The following UBE2W variants were observed in gnomAD, a reference collection of about 807,000 sequenced individuals.
UBE2W encodes the protein ubiquitin-conjugating enzyme E2 W.
In UBE2W, 18 loss-of-function variants were observed where a neutral mutation model predicts 27.2. The observed-to-expected ratio is 0.66, with a 90% CI of 0.46 to 0.98. UBE2W has a LOEUF of 0.98. Ranked by LOEUF, UBE2W falls within the 50% of genes least tolerant of loss-of-function variation. The pLI is 0.00. For synonymous variants in UBE2W, 53 were observed against 57.2 expected, an observed-to-expected ratio of 0.93 and a Z score of 0.33; for missense variants, 90 against 180.2, an observed-to-expected ratio of 0.50 and a Z score of 2.87.
In UBE2W at chr8:73,793,623, T is replaced by C. The variant is rs1808289314; in HGVS notation, c.*479A>G. ...ACAGTTGGGGTGACTTTTAAAGTAA[T>C]GTTGGATCCCTCACTTTATTTATAT... On this transcript the variant is annotated 3_prime_UTR_variant, in exon 6 of 6. Transcript: ENST00000602593. 1.0e-6 allele frequency: 1 copy of C among 986,492 alleles called. No homozygotes were observed. The highest frequency in any genetic ancestry group is 1.2e-6 in the Non-Finnish European group (1 of 830,426). The allele number at this position is 986,492 out of a possible 1,614,324, so 61.1% of individuals were successfully genotyped here.
intron 1 of UBE2W, among the ~76,000 whole-genome samples, chr8:73,833,264 GAA>G (rs1554582734): frequency 6.9e-6 from 1 of 144,100 alleles, no homozygotes; most frequent in Non-Finnish European, 1.5e-5. Context: ...GCTTTCCAGA[GAA>G]ACTCTAAAAG....
At chr8:73,845,095 G>A (rs997249978) in intron 1 of UBE2W, among the ~76,000 whole-genome samples, 11 of 147,562 alleles carry the variant, frequency 7.5e-5, no homozygotes, top group Non-Finnish European at 1.7e-4. Flanking sequence ...TGGGAGGTGG[G>A]GGGCAGCCCC....
intron 1 of UBE2W, among the ~76,000 whole-genome samples, chr8:73,848,623 T>TG (rs1810918214): frequency 6.6e-6 from 1 of 152,026 alleles, no homozygotes; most frequent in South Asian, 2.1e-4. Flanking sequence ...GCCTAGGAAT[T>TG]GGAGGCTGCC....
Position 73,787,132 on chromosome 8 carries a change from A to G in UBE2W, c.*6970T>C. On this transcript the variant is annotated 3_prime_UTR_variant, in exon 6 of 6. Transcript: ENST00000602593. ...CCCACTTATGTATTTTGCATTATGC[A>G]GGCAAACATTAAAAATAAATCTTAC... 4.1e-6 allele frequency: 4 copies of G among 985,460 alleles called. No homozygotes were observed. The highest frequency in any genetic ancestry group is 4.8e-6 in the Non-Finnish European group (4 of 829,940). The allele number at this position is 985,460 out of a possible 1,614,324, so 61.0% of individuals were successfully genotyped here.
chr8:73,877,643 C>T (rs1422587707), intron 1 of UBE2W, among the ~76,000 whole-genome samples: 2 of 152,128 alleles, frequency 1.3e-5, no homozygotes, highest in African/African-American at 4.8e-5. Context: ...AAAAACACTT[C>T]TAAGAAAATG....
chr8:73,863,932 CAAAA>C (rs1811633573), intron 1 of UBE2W, among the ~76,000 whole-genome samples: 1 of 117,154 alleles, frequency 8.5e-6, no homozygotes, highest in African/African-American at 3.7e-5. Flanking sequence ...ACAACAACAA[CAAAA>C]AACAAAAAAC....
chr8:73,809,564 T>G (rs1400733181), intron 4 of UBE2W, among the ~76,000 whole-genome samples: 1 of 152,080 alleles, frequency 6.6e-6, no homozygotes, highest in Non-Finnish European at 1.5e-5. Context: ...TATCCTAAAT[T>G]TATATGTATA....
intron 5 of UBE2W, among the ~76,000 whole-genome samples, chr8:73,800,865 G>C (rs12056802): frequency 0.096 from 14,682 of 152,146 alleles, 1,144 homozygotes; most frequent in East Asian, 0.37. Context: ...AGGCCGAGGG[G>C]GCAGATCACC....
intron 1 of UBE2W, among the ~76,000 whole-genome samples, chr8:73,852,354 A>G (rs1245845299): frequency 6.6e-6 from 1 of 152,186 alleles, no homozygotes; most frequent in Admixed American, 6.5e-5. Flanking sequence ...ATCAAATTTT[A>G]ATTTCTCAAG....
At chr8:73,795,992 G>A (rs1215800373) in intron 5 of UBE2W, 2 of 150,850 alleles carry the variant, frequency 1.3e-5, no homozygotes, top group African/African-American at 4.9e-5. Flanking sequence ...TGAGGCTGAG[G>A]TGGGAGGATC....
chr8:73,832,908 G>C (rs549036469), intron 1 of UBE2W, among the ~76,000 whole-genome samples: 2 of 152,110 alleles, frequency 1.3e-5, no homozygotes, highest in African/African-American at 4.8e-5. Context: ...CCCATAGTTC[G>C]GCTGGGCGTT....
chr8:73,787,430 G>A lies in UBE2W; in HGVS notation c.*6672C>T. The A allele has an allele frequency of 4.1e-6, 4 of 985,398 alleles. No homozygotes were observed. Among genetic ancestry groups the A allele is most frequent in the Non-Finnish European group, 4.8e-6 (4 of 829,920 alleles). The allele number at this position is 985,398 out of a possible 1,614,324, so 61.0% of individuals were successfully genotyped here. A position where few individuals can be genotyped will look rare whatever the true frequency, so the allele number is the denominator to read the frequency against. ...AGTAGAAATTAAGGATTATAATAAA[G>A]GAAAAGGGCATCATCAAAGTACAAA... On this transcript the variant is annotated 3_prime_UTR_variant, in exon 6 of 6. Transcript: ENST00000602593.
At chr8:73,832,152 T>TATATATATATATATATA (rs1563601356) in intron 1 of UBE2W, among the ~76,000 whole-genome samples, 4 of 150,826 alleles carry the variant, frequency 2.7e-5, no homozygotes, top group African/African-American at 9.8e-5. Flanking sequence ...TATATATATA[T>TATATATATATATATATA]TAGCCAGGTG....
intron 3 of UBE2W, among the ~76,000 whole-genome samples, chr8:73,823,798 C>A (rs1263250432): frequency 6.6e-6 from 1 of 152,138 alleles, no homozygotes; most frequent in Non-Finnish European, 1.5e-5. Flanking sequence ...AGTCAGTATC[C>A]ATTTAAATCT....
intron 1 of UBE2W, among the ~76,000 whole-genome samples, chr8:73,847,431 T>G (rs1810858224): frequency 6.6e-6 from 1 of 152,184 alleles, no homozygotes; most frequent in African/African-American, 2.4e-5. Context: ...TAAAACTACT[T>G]GCTTTTTTTT....
chr8:73,825,084 A>C (rs1809781737), intron 3 of UBE2W, 63 bp downstream of exon 3: 5 of 1,022,900 alleles, frequency 4.9e-6, no homozygotes, highest in Non-Finnish European at 7.2e-6. Flanking sequence ...TTACTGAGTC[A>C]AACATCTCTG....
At chr8:73,834,669 G>A in intron 1 of UBE2W, among the ~76,000 whole-genome samples, 1 of 152,162 alleles carries the variant, frequency 6.6e-6, no homozygotes, top group South Asian at 2.1e-4. Context: ...AGCACTTTGG[G>A]AGGTCAAGGA....
At chr8:73,815,326 G>A (rs544292814) in intron 3 of UBE2W, among the ~76,000 whole-genome samples, 8 of 152,224 alleles carry the variant, frequency 5.3e-5, no homozygotes, top group African/African-American at 1.4e-4. Context: ...GTTGAGCTAC[G>A]ATAGCCCATG....
At chr8:73,831,182 C>T in intron 1 of UBE2W, 1 of 452,212 alleles carries the variant, frequency 2.2e-6, no homozygotes, top group South Asian at 2.1e-5. Flanking sequence ...AGAGCACAGC[C>T]AAATGGGTGG....
Sources: gnomAD v4.1 joint callset for allele counts (sites outside exome capture counted in the v4.1 genomes callset) on GRCh38, gnomAD v4.1.1 for gene constraint, MANE v1.5 for transcripts, NCBI Gene and HGNC (gene_info 2026-07-23, HGNC 2026-07-21) for gene names.